RGL2: variants seen among roughly 807,000 people sequenced by gnomAD.
The protein encoded by RGL2 is ral guanine nucleotide dissociation stimulator-like 2.
RGL2 carries 40 observed loss-of-function variants against 84.6 expected under a neutral mutation model. The ratio of observed to expected loss-of-function variants is 0.47; its 90% confidence interval spans 0.37 to 0.62. RGL2 has a LOEUF of 0.62. Among genes scored for constraint, RGL2 ranks in the 20% least tolerant of loss-of-function variants. The pLI is 0.00. For missense variants in RGL2, 865 were observed against 1,019.7 expected, an observed-to-expected ratio of 0.85 and a Z score of 2.07; for synonymous variants, 369 against 417.3, an observed-to-expected ratio of 0.88 and a Z score of 1.41.
chr6:33,296,907 C>G lies in RGL2; in HGVS notation c.240+125G>C, dbSNP rs949798512. On this transcript the variant is annotated intron_variant, in intron 3 of 17. Coordinates refer to ENST00000497454, the MANE Select transcript of RGL2 (RefSeq NM_004761.5). This position sits in a 1 kb window ranked among gnomAD's most constrained non-coding sequence, Gnocchi z 5.0. ...ATTCAGAGAGGGCAAGAGTCTTGGC[C>G]TATGTCACACAGCAGAGTCCAGGAC... The G allele has an allele frequency of 6.7e-7, 1 of 1,486,288 alleles. No homozygotes were observed. The highest frequency in any genetic ancestry group is 9.4e-7 in the Non-Finnish European group (1 of 1,065,340). 92.1% of individuals were successfully genotyped at this position (1,486,288 alleles called of 1,614,324 possible). A position where few individuals can be genotyped will look rare whatever the true frequency, so the allele number is the denominator to read the frequency against.
chr6:33,296,524 A>T lies in RGL2; in HGVS notation c.420-60T>A. On this transcript the variant is annotated intron_variant, in intron 4 of 17. Transcript: ENST00000497454. This position sits in a 1 kb window ranked among gnomAD's most constrained non-coding sequence, Gnocchi z 5.0. ...TCCCAAACCCTCAGTGGCTTTGACT[A>T]TTTTGGTGGGATGTTGCGGCTTTAG... is the stretch of plus-strand genomic sequence containing the variant. 6.3e-7 allele frequency: 1 copy of T among 1,586,588 alleles called. No individual in the cohort carries two copies. Among genetic ancestry groups the T allele is most frequent in the Non-Finnish European group, 8.6e-7 (1 of 1,165,458 alleles).
chr6:33,293,739 A>G lies in RGL2; in HGVS notation c.1509-40T>C, dbSNP rs753302523. On this transcript the variant is annotated intron_variant, in intron 13 of 17. Coordinates refer to ENST00000497454, the MANE Select transcript of RGL2 (RefSeq NM_004761.5). The surrounding 1 kb of genome is among the most constrained non-coding windows in gnomAD (Gnocchi z 7.0). Reference sequence around the variant, plus strand: ...CAATAGGCAGAGCTCAGGACATGACACCAATCCCCCACACCTGGCCAGAAC... The same window carrying G: ...CAATAGGCAGAGCTCAGGACATGACGCCAATCCCCCACACCTGGCCAGAAC... The G allele has an allele frequency of 5.6e-6, 9 of 1,612,962 alleles. No individual in the cohort carries two copies. The highest frequency in any genetic ancestry group is 1.3e-5 in the African/African-American group (1 of 74,828).
chr6:33,297,113 G>A lies in RGL2; in HGVS notation c.159C>T (p.Ala53=). 3 of 1,546,880 alleles carry A rather than the reference G, an allele frequency of 1.9e-6. No homozygotes were observed. Among genetic ancestry groups the A allele is most frequent in the Non-Finnish European group, 2.6e-6 (3 of 1,152,816 alleles). The change falls in exon 3 of 18, where the codon GCC becomes GCT. Residue 53 remains alanine, a splice_region_variant and synonymous_variant. Coordinates refer to ENST00000497454, the MANE Select transcript of RGL2 (RefSeq NM_004761.5). This position sits in a 1 kb window ranked among gnomAD's most constrained non-coding sequence, Gnocchi z 4.0. ...CCTCCTCATCCCAGACGGACACAGG[G>A]GCCTGGAGGAGCAAGGAAGGGGAAG... The part of the protein sequence containing the change: ...QEEEEEEEEE[A]PVSVWDEEED...
At position 33,295,791 on chromosome 6, in the gene RGL2, T is replaced by C; in HGVS notation, c.769-32A>G. ...GGTAGAGGTCAGAGGTTAAAGTTCA[T>C]AGTCAAGTGAGGTCAGCCTTCCAAT... On this transcript the variant is annotated intron_variant, in intron 6 of 17. Transcript: ENST00000497454. This position sits in a 1 kb window ranked among gnomAD's most constrained non-coding sequence, Gnocchi z 7.2. 6.3e-7 allele frequency: 1 copy of C among 1,598,376 alleles called. No individual in the cohort carries two copies. The highest frequency in any genetic ancestry group is 2.2e-5 in the East Asian group (1 of 44,678).
At position 33,293,462 on chromosome 6, in the gene RGL2, C is replaced by A. The variant is rs372750774; in HGVS notation, c.1667G>T (p.Gly556Val). ...AGCAGGAGTTGTAGGCGCCTCATCT[C>A]CCCCAGTACTGGGCCGGTCACAGGA... Reference protein sequence around the residue: ...LVSCDRPSTGGDEAPTTPAPL... With the variant: ...LVSCDRPSTGVDEAPTTPAPL... Residue 556 changes from glycine (G) to valine (V), a missense_variant, in exon 15 of 18, where the codon GGA becomes GTA. Coordinates refer to ENST00000497454, the MANE Select transcript of RGL2 (RefSeq NM_004761.5). This position sits in a 1 kb window ranked among gnomAD's most constrained non-coding sequence, Gnocchi z 7.0. The A allele has an allele frequency of 4.6e-5, 74 of 1,613,952 alleles. No homozygotes were observed. Among genetic ancestry groups the A allele is most frequent in the Non-Finnish European group, 5.6e-5 (66 of 1,179,960 alleles).
At chr6:33,292,677 G>A (rs2150927547) in intron 16 of RGL2, 133 bp from the exon 17 acceptor site, 1 of 782,252 alleles carries the variant, frequency 1.3e-6, no homozygotes, top group East Asian at 2.6e-5. Context: ...ACCCAATATG[G>A]TGGCTTCCTA....
chr6:33,297,139 T>A lies in RGL2; in HGVS notation c.157-24A>T. 1 of 1,524,716 alleles carries A rather than the reference T, an allele frequency of 6.6e-7. No individual in the cohort carries two copies. The highest frequency in any genetic ancestry group is 8.8e-7 in the Non-Finnish European group (1 of 1,136,148). The allele number at this position is 1,524,716 out of a possible 1,614,324, so 94.4% of individuals were successfully genotyped here. On this transcript the variant is annotated intron_variant, in intron 2 of 17. Coordinates refer to ENST00000497454, the MANE Select transcript of RGL2 (RefSeq NM_004761.5). This position sits in a 1 kb window ranked among gnomAD's most constrained non-coding sequence, Gnocchi z 4.0. ...GCCTGGAGGAGCAAGGAAGGGGAAG[T>A]CAGACAGTTCCACACCACCCCCCAT...
In RGL2 at chr6:33,294,064, A is replaced by G. The variant is rs1270803342; in HGVS notation, c.1356T>C (p.Asn452=). ...LDAASKDELE[N]GYINFDKRRK... ...TCCGCTTGTCAAAATTGATGTATCC[A>G]TTCTGCGAGGAAAATGGGGATGGGG... Residue 452 remains asparagine, a splice_region_variant and synonymous_variant, in exon 12 of 18, where the codon AAT becomes AAC. Transcript: ENST00000497454. This position sits in a 1 kb window ranked among gnomAD's most constrained non-coding sequence, Gnocchi z 5.0. 3.7e-6 allele frequency: 6 copies of G among 1,610,488 alleles called. No homozygotes were observed. Among genetic ancestry groups the G allele is most frequent in the East Asian group, 4.5e-5 (2 of 44,746 alleles).
chr6:33,298,974 C>T (rs942091590), upstream of RGL2: 2 of 184,404 alleles, frequency 1.1e-5, no homozygotes, highest in East Asian at 2.5e-4. The surrounding 1 kb of genome is among the most constrained non-coding windows in gnomAD (Gnocchi z 4.8). Context: ...CCCCTTGAAC[C>T]CCCCCGCCGG....
Position 33,298,381 on chromosome 6 carries a change from G to T in RGL2, c.156+74C>A, listed in dbSNP as rs1344506522. On this transcript the variant is annotated intron_variant, in intron 2 of 17. Transcript: ENST00000497454. The surrounding 1 kb of genome is among the most constrained non-coding windows in gnomAD (Gnocchi z 4.8). The stretch of plus-strand genomic sequence containing the variant: ...CTGAGGCAAGGAGGAGGAGATGTAG[G>T]GACCCAGAGACAAGAGAAAAGTGGA... 1 of 792,244 alleles carries T rather than the reference G, an allele frequency of 1.3e-6. No homozygotes were observed. The highest frequency in any genetic ancestry group is 1.8e-5 in the African/African-American group (1 of 54,556). 49.1% of individuals were successfully genotyped at this position (792,244 alleles called of 1,614,324 possible).
Position 33,294,286 on chromosome 6 carries a change from G to A in RGL2, c.1354-220C>T, listed in dbSNP as rs370936638. Among the ~76,000 whole-genome samples, 50 of 152,132 alleles carry A rather than the reference G, an allele frequency of 3.3e-4. 1 individual carries two copies. The South Asian group carries it at 5.2e-3, about 16-fold the overall frequency. On this transcript the variant is annotated intron_variant, in intron 11 of 17. Coordinates refer to ENST00000497454, the MANE Select transcript of RGL2 (RefSeq NM_004761.5). This position sits in a 1 kb window ranked among gnomAD's most constrained non-coding sequence, Gnocchi z 5.0. ...ATTGAATTTCTCAGGTAGACAACGA[G>A]TCTGCTTTGCAGATGAGAGGACTGG...
At position 33,293,898 on chromosome 6, in the gene RGL2, C is replaced by G. The variant is rs928884183; in HGVS notation, c.1405G>C (p.Glu469Gln). 6.2e-7 allele frequency: 1 copy of G among 1,614,102 alleles called. No individual in the cohort carries two copies. The highest frequency in any genetic ancestry group is 1.1e-5 in the South Asian group (1 of 91,086). Residue 469 changes from glutamate (E) to glutamine (Q), a missense_variant, in exon 13 of 18, where the codon GAG (glutamate) becomes CAG (glutamine). Physicochemically the swap from Glu to Gln is conservative, Grantham distance 29 (BLOSUM62 2). Transcript: ENST00000497454. The surrounding 1 kb of genome is among the most constrained non-coding windows in gnomAD (Gnocchi z 7.0). Reference sequence around the variant, plus strand: ...CATTCATTCTGGAGCCGTCGCAACTCAGAAAGGACTGCAAACTCCTGGGAA... The same window carrying G: ...CATTCATTCTGGAGCCGTCGCAACTGAGAAAGGACTGCAAACTCCTGGGAA... ...KRRKEFAVLS[E>Q]LRRLQNECRG...
In RGL2 at chr6:33,297,340, G is replaced by A. The variant is rs2150944079; in HGVS notation, c.157-225C>T. 1 of 503,488 alleles carries A rather than the reference G, an allele frequency of 2.0e-6. No individual in the cohort carries two copies. The highest frequency in any genetic ancestry group is 3.5e-6 in the Non-Finnish European group (1 of 286,412). The allele number at this position is 503,488 out of a possible 1,614,324, so 31.2% of individuals were successfully genotyped here. On this transcript the variant is annotated intron_variant, in intron 2 of 17. Transcript: ENST00000497454. The surrounding 1 kb of genome is among the most constrained non-coding windows in gnomAD (Gnocchi z 4.0). ...GCCTCAGGGCCCCGGTGGAGTCGAA[G>A]GGGCTGCAGTGGAGGCGTGGATGGA...
upstream of RGL2, chr6:33,299,198 G>A (rs1768323170): frequency 6.6e-6 from 1 of 152,286 alleles, no homozygotes; most frequent in Non-Finnish European, 1.5e-5. The surrounding 1 kb of genome is among the most constrained non-coding windows in gnomAD (Gnocchi z 5.0). Context: ...GACCCGCAAT[G>A]AACTGGAATA....
Position 33,294,888 on chromosome 6 carries a change from T to C in RGL2, c.1278+89A>G, listed in dbSNP as rs904689380. On this transcript the variant is annotated intron_variant, in intron 10 of 17. Transcript: ENST00000497454. The surrounding 1 kb of genome is among the most constrained non-coding windows in gnomAD (Gnocchi z 5.0). ...TCTCCTCACCCCTCTGTGCCTCCCTTACCCATCCTTCAGGCTGCTCCCCCA... is the reference window on the plus strand; with the variant it reads ...TCTCCTCACCCCTCTGTGCCTCCCTCACCCATCCTTCAGGCTGCTCCCCCA... 4 of 1,496,226 alleles carry C rather than the reference T, an allele frequency of 2.7e-6. No individual in the cohort carries two copies. Among genetic ancestry groups the C allele is most frequent in the Non-Finnish European group, 3.6e-6 (4 of 1,099,124 alleles). 92.7% of individuals were successfully genotyped at this position (1,496,226 alleles called of 1,614,324 possible). A position where few individuals can be genotyped will look rare whatever the true frequency, so the allele number is the denominator to read the frequency against.
At chr6:33,299,076 C>T (rs1299437709), upstream of RGL2, 1 of 153,258 alleles carries the variant, frequency 6.5e-6, no homozygotes, top group Admixed American at 6.5e-5. This position sits in a 1 kb window ranked among gnomAD's most constrained non-coding sequence, Gnocchi z 5.0. Flanking sequence ...GGACAGGAGC[C>T]AGGGCCGCGG....
In RGL2 at chr6:33,297,957, A is replaced by G. The variant is rs1230159054; in HGVS notation, c.156+498T>C. 1 of 143,360 alleles carries G rather than the reference A, an allele frequency of 7.0e-6. No individual in the cohort carries two copies. 8.9% of individuals were successfully genotyped at this position (143,360 alleles called of 1,614,324 possible). On this transcript the variant is annotated intron_variant, in intron 2 of 17. Transcript: ENST00000497454. This position sits in a 1 kb window ranked among gnomAD's most constrained non-coding sequence, Gnocchi z 4.0. ...CTAGGATCTTTCCTCCAGGTCCCAG[A>G]ACCGTGGCTTCCCGGCCTCTACCCA...
rs753587160 is a variant in RGL2, at chr6:33,296,014, G to A, written c.768+14C>T. The A allele has an allele frequency of 3.1e-6, 5 of 1,613,832 alleles. No individual in the cohort carries two copies. Among genetic ancestry groups the A allele is most frequent in the Non-Finnish European group, 4.2e-6 (5 of 1,179,930 alleles). ...GGGGTCAGGGGGCATAGGGGCCAGA[G>A]GTCAGGGTCTCACCGCATCTAGCAG... On this transcript the variant is annotated intron_variant, in intron 6 of 17. Coordinates refer to ENST00000497454, the MANE Select transcript of RGL2 (RefSeq NM_004761.5). This position sits in a 1 kb window ranked among gnomAD's most constrained non-coding sequence, Gnocchi z 5.0.
chr6:33,298,153 G>A lies in RGL2; in HGVS notation c.156+302C>T, dbSNP rs1026246025. On this transcript the variant is annotated intron_variant, in intron 2 of 17. Transcript: ENST00000497454. This position sits in a 1 kb window ranked among gnomAD's most constrained non-coding sequence, Gnocchi z 4.8. ...GGGAGACAGGGACCAAGACACGACT[G>A]CTCAGAGAGGTAGGCACACTCAGGC... 3.3e-6 allele frequency: 1 copy of A among 305,224 alleles called. No homozygotes were observed. The highest frequency in any genetic ancestry group is 6.2e-6 in the Non-Finnish European group (1 of 162,422). 18.9% of individuals were successfully genotyped at this position (305,224 alleles called of 1,614,324 possible).
Sources: gnomAD v4.1 joint callset for allele counts (sites outside exome capture counted in the v4.1 genomes callset) on GRCh38, gnomAD v4.1.1 for gene constraint, Gnocchi (gnomAD v3.1) non-coding constraint, MANE v1.5 for transcripts, NCBI Gene and HGNC (gene_info 2026-07-23, HGNC 2026-07-21) for gene names.